Variants in RANBP9 observed in about 807,000 individuals in gnomAD.
The protein encoded by RANBP9 is ran-binding protein 9.
In RANBP9, 15 loss-of-function variants were observed where a neutral mutation model predicts 84.3. The observed-to-expected ratio is 0.18, with a 90% CI of 0.12 to 0.27. The LOEUF (loss-of-function observed/expected upper bound fraction) is 0.27. Among genes scored for constraint, RANBP9 ranks in the 10% least tolerant of loss-of-function variants. RANBP9 has a pLI of 1.00. For missense variants in RANBP9, 809 were observed against 912.8 expected, an observed-to-expected ratio of 0.89 and a Z score of 1.46; for synonymous variants, 392 against 349.6, an observed-to-expected ratio of 1.12 and a Z score of -1.35.
At chr6:13,631,550 A>G (rs1764781498) in intron 12 of RANBP9, among the ~76,000 whole-genome samples, 1 of 152,210 alleles carries the variant, frequency 6.6e-6, no homozygotes, top group African/African-American at 2.4e-5. Flanking sequence ...ACTAACTTTC[A>G]GTCCAGGTCA....
intron 9 of RANBP9, among the ~76,000 whole-genome samples, chr6:13,638,379 A>G (rs1764988457): frequency 6.6e-6 from 1 of 152,218 alleles, no homozygotes; most frequent in African/African-American, 2.4e-5. Context: ...GTAATGCAGA[A>G]AAGAGAATAA....
intron 1 of RANBP9, among the ~76,000 whole-genome samples, chr6:13,708,907 G>C (rs990269887): frequency 3.9e-5 from 6 of 151,998 alleles, no homozygotes; most frequent in Non-Finnish European, 7.4e-5. Flanking sequence ...TTTCTGACAA[G>C]GGGTAAGAGA....
chr6:13,665,774 A>G (rs918715821), intron 2 of RANBP9, among the ~76,000 whole-genome samples: 11 of 152,222 alleles, frequency 7.2e-5, no homozygotes, highest in African/African-American at 2.7e-4. Flanking sequence ...TATTCTACTC[A>G]GCAACAAAAA....
intron 5 of RANBP9, among the ~76,000 whole-genome samples, chr6:13,645,288 A>T (rs932193137): frequency 2.6e-5 from 4 of 152,126 alleles, no homozygotes; most frequent in African/African-American, 9.7e-5. Flanking sequence ...CAGTGCCAGG[A>T]AGAGTGGAGA....
chr6:13,637,399 CAG>C (rs1010597208), intron 10 of RANBP9, among the ~76,000 whole-genome samples: 1 of 152,128 alleles, frequency 6.6e-6, no homozygotes, highest in Non-Finnish European at 1.5e-5. Context: ...AACTCACACA[CAG>C]AGAAAAAATC....
intron 1 of RANBP9, among the ~76,000 whole-genome samples, chr6:13,701,193 A>G (rs1036615347): frequency 6.6e-6 from 1 of 152,112 alleles, no homozygotes; most frequent in African/African-American, 2.4e-5. Flanking sequence ...TCATTCTATC[A>G]TATCCAACCA....
chr6:13,690,168 TATTA>T (rs1766290386), intron 2 of RANBP9, among the ~76,000 whole-genome samples: 1 of 152,208 alleles, frequency 6.6e-6, no homozygotes, highest in Non-Finnish European at 1.5e-5. Context: ...TCACTCACTG[TATTA>T]ATTGAGTTTC....
chr6:13,622,732 A>C (rs1189826911), intron 13 of RANBP9, among the ~76,000 whole-genome samples: 1 of 152,210 alleles, frequency 6.6e-6, no homozygotes, highest in East Asian at 1.9e-4. Flanking sequence ...CAGACTTTTA[A>C]AGTATCAGAT....
In RANBP9 at chr6:13,642,473, C is replaced by T; in HGVS notation, c.1225+6G>A. The T allele has an allele frequency of 6.6e-7, 1 of 1,524,734 alleles. No homozygotes were observed. The highest frequency in any genetic ancestry group is 9.0e-7 in the Non-Finnish European group (1 of 1,112,788). 94.5% of individuals were successfully genotyped at this position (1,524,734 alleles called of 1,614,324 possible). A position where few individuals can be genotyped will look rare whatever the true frequency, so the allele number is the denominator to read the frequency against. On this transcript the variant is annotated splice_donor_region_variant and intron_variant, in intron 7 of 13. Coordinates refer to ENST00000011619, the MANE Select transcript of RANBP9 (RefSeq NM_005493.3). Reference sequence around the variant, plus strand: ...AAATGTTAGCCATGCACCACAGTGTCCTTACTTTGTCTATTCTTAATGGAA... The same window carrying T: ...AAATGTTAGCCATGCACCACAGTGTTCTTACTTTGTCTATTCTTAATGGAA...
At chr6:13,709,627 T>C (rs187653883) in intron 1 of RANBP9, among the ~76,000 whole-genome samples, 440 of 152,354 alleles carry the variant, frequency 2.9e-3, no homozygotes, top group African/African-American at 1.0e-2. Flanking sequence ...GACGTTTAGA[T>C]TAAGGAGGAT....
chr6:13,684,961 A>G (rs761272387), intron 2 of RANBP9, among the ~76,000 whole-genome samples: 1 of 152,172 alleles, frequency 6.6e-6, no homozygotes, highest in Non-Finnish European at 1.5e-5. Flanking sequence ...CTACTGGGCA[A>G]AGAAACTTGC....
intron 2 of RANBP9, among the ~76,000 whole-genome samples, chr6:13,671,388 T>C (rs538511278): frequency 1.3e-5 from 2 of 152,196 alleles, no homozygotes; most frequent in Non-Finnish European, 2.9e-5. Context: ...AAAAAGTGTT[T>C]CCACCAACCA....
At chr6:13,627,975 A>T (rs949777866) in intron 12 of RANBP9, among the ~76,000 whole-genome samples, 6 of 151,676 alleles carry the variant, frequency 4.0e-5, no homozygotes, top group African/African-American at 1.5e-4. Flanking sequence ...AACTTAAAGG[A>T]AAAAAAAATA....
At chr6:13,710,875 G>C in intron 1 of RANBP9, 60 bp downstream of exon 1, 1 of 1,508,700 alleles carries the variant, frequency 6.6e-7, no homozygotes, top group Non-Finnish European at 8.9e-7. Flanking sequence ...GAGCGGCGCA[G>C]CGGCGGCCGG....
intron 4 of RANBP9, among the ~76,000 whole-genome samples, chr6:13,653,652 T>A (rs1765341102): frequency 6.6e-6 from 1 of 152,130 alleles, no homozygotes; most frequent in South Asian, 2.1e-4. Flanking sequence ...CCTCTATGAC[T>A]GTGCTGTAAT....
At chr6:13,677,741 A>AT (rs1247097891) in intron 2 of RANBP9, among the ~76,000 whole-genome samples, 1 of 152,178 alleles carries the variant, frequency 6.6e-6, no homozygotes, top group African/African-American at 2.4e-5. Context: ...TTCAACCATC[A>AT]TAAGTGAAAT....
chr6:13,635,037 T>C (rs193160135), intron 10 of RANBP9, among the ~76,000 whole-genome samples: 37 of 152,302 alleles, frequency 2.4e-4, no homozygotes, highest in African/African-American at 8.7e-4. Flanking sequence ...AATCCACTCC[T>C]AGGCTGTTTT....
chr6:13,671,210 A>G (rs989238670), intron 2 of RANBP9, among the ~76,000 whole-genome samples: 3 of 152,204 alleles, frequency 2.0e-5, no homozygotes, highest in African/African-American at 7.2e-5. Context: ...GCTGGTAGTA[A>G]GTAAAATGGT....
At position 13,658,652 on chromosome 6, in the gene RANBP9, A is replaced by G; in HGVS notation, c.736+128T>C. ...AAAAAACCCCACTCAGCTTTCACTT[A>G]AAATTCATAATGATGATTAAAAACA... On this transcript the variant is annotated intron_variant, in intron 3 of 13. Coordinates refer to ENST00000011619, the MANE Select transcript of RANBP9 (RefSeq NM_005493.3). 1.2e-5 allele frequency: 10 copies of G among 850,576 alleles called. 1 individual carries two copies. In the South Asian group the frequency reaches 1.7e-4, roughly 14 times the overall value. The allele number at this position is 850,576 out of a possible 1,614,324, so 52.7% of individuals were successfully genotyped here.
Sources: allele counts gnomAD v4.1 joint callset (sites outside exome capture counted in the v4.1 genomes callset), GRCh38; gene constraint gnomAD v4.1.1; transcripts MANE v1.5; gene names NCBI Gene and HGNC (gene_info 2026-07-23, HGNC 2026-07-21).